Variants in INSL6 observed in about 807,000 individuals in gnomAD.
INSL6 encodes insulin like 6, also known as insulin-like peptide INSL6.
Under a neutral mutation model 9.4 loss-of-function variants are expected in INSL6, and 16 were observed. The ratio of observed to expected loss-of-function variants is 1.70; its 90% CI spans 1.15 to 2.59. INSL6 has a LOEUF of 2.59. INSL6 is among the 30% of genes most tolerant of loss of function. The pLI is 0.00. For synonymous variants in INSL6, 154 were observed against 96.9 expected (o/e 1.59, Z -3.46); for missense variants, 391 against 257.3 (o/e 1.52, Z -3.56).
rs1379729286 is a variant in INSL6 at position 5,130,624 on chromosome 9, G to A, written c.*10+2801C>T. Among the ~76,000 whole-genome samples, 3 of 151,596 alleles carry A rather than the reference G, an allele frequency of 2.0e-5. 1 individual carries two copies. The highest frequency in any genetic ancestry group is 4.4e-5 in the Non-Finnish European group (3 of 67,900). ...TTCATACACAGATAATTAAGTACATGGTATTTAATAATAAAAAAGTTTAAG... is the reference window on the plus strand; with the variant it reads ...TTCATACACAGATAATTAAGTACATAGTATTTAATAATAAAAAAGTTTAAG... On this transcript the variant is annotated intron_variant, in intron 3 of 3. Coordinates refer to the INSL6 transcript ENST00000649639.
At chr9:5,157,316 G>C (rs79656167) in intron 2 of INSL6, among the ~76,000 whole-genome samples, 2,541 of 152,096 alleles carry the variant, frequency 0.017, 28 homozygotes, top group Non-Finnish European at 0.027. Context: ...GAACAAAATG[G>C]TTGGAGAACT....
chr9:5,083,529 A>G, the INSL6 span, among the ~76,000 whole-genome samples: 1 of 152,266 alleles, frequency 6.6e-6, no homozygotes, highest in East Asian at 1.9e-4. Context: ...TTTCTTTTAT[A>G]CAACTTAATC....
At chr9:4,996,049 C>G in the INSL6 span, among the ~76,000 whole-genome samples, 3 of 152,074 alleles carry the variant, frequency 2.0e-5, no homozygotes, top group Non-Finnish European at 2.9e-5. Flanking sequence ...TAGGTCAAGT[C>G]ATTTGAGATT....
At chr9:5,151,092 G>A (rs1476764342) in intron 2 of INSL6, among the ~76,000 whole-genome samples, 1 of 152,144 alleles carries the variant, frequency 6.6e-6, no homozygotes, top group African/African-American at 2.4e-5. Context: ...TGAAAGAGGA[G>A]GGGGTGGAGG....
the INSL6 span, among the ~76,000 whole-genome samples, chr9:5,049,507 A>G: frequency 6.6e-6 from 1 of 152,218 alleles, no homozygotes; most frequent in African/African-American, 2.4e-5. Context: ...CAAATCTTCC[A>G]TGAAACCCTC....
the INSL6 span, chr9:5,112,891 G>C: frequency 2.7e-6 from 1 of 366,630 alleles, no homozygotes; most frequent in Non-Finnish European, 4.6e-6. Flanking sequence ...CCTCAGCCCC[G>C]TGGGCTGGGC....
the INSL6 span, among the ~76,000 whole-genome samples, chr9:5,004,293 G>T: frequency 6.6e-6 from 1 of 152,002 alleles, no homozygotes; most frequent in African/African-American, 2.4e-5. Flanking sequence ...CTCCTAATGG[G>T]ACCCTCAGCC....
the INSL6 span, among the ~76,000 whole-genome samples, chr9:5,104,801 C>A: frequency 6.6e-6 from 1 of 152,168 alleles, no homozygotes; most frequent in Admixed American, 6.5e-5. Flanking sequence ...GAACCAATGA[C>A]AAAAACCACA....
At chr9:5,069,256 T>G in the INSL6 span, 1 of 1,320,352 alleles carries the variant, frequency 7.6e-7, no homozygotes, top group Non-Finnish European at 1.1e-6. Flanking sequence ...ATGGATTGTT[T>G]ATGTGGCGTG....
At chr9:5,002,993 A>C in the INSL6 span, among the ~76,000 whole-genome samples, 1 of 152,146 alleles carries the variant, frequency 6.6e-6, no homozygotes, top group East Asian at 1.9e-4. Context: ...TGAAATGACC[A>C]ATATTTCTTC....
chr9:5,185,337 GC>G lies in INSL6; in HGVS notation c.265del (p.Ala89ProfsTer17). ...ACCTGGGTTTGTGCCTCTTCCCCGG[GC>G]CGGGGAAGCGGTTTGCGGGCTTTCG... is the stretch of plus-strand genomic sequence containing the variant. ...QFESPQTASP[A>X]RGRGTNPVST... is the part of the protein sequence containing the mutation. On this transcript the variant is annotated frameshift_variant, in exon 1 of 2. Coordinates refer to ENST00000381641, the MANE Select transcript of INSL6 (RefSeq NM_007179.3). LOFTEE classifies it low-confidence loss of function (END_TRUNC). The G allele has an allele frequency of 6.2e-7, 1 of 1,614,108 alleles. No individual in the cohort carries two copies. The highest frequency in any genetic ancestry group is 8.5e-7 in the Non-Finnish European group (1 of 1,179,996).
rs532780119 is a variant in INSL6, at chr9:5,151,628, A to G, written c.376+12551T>C. Among the ~76,000 whole-genome samples the G allele has an allele frequency of 6.6e-5, 10 of 152,256 alleles. No homozygotes were observed. In the South Asian group the frequency reaches 2.1e-3, roughly 32 times the overall value. ...TAAAGATGTATATTGTAAATGCTGA[A>G]GCAATCACCAAAAACGAAAGTTTAA... On this transcript the variant is annotated intron_variant, in intron 2 of 3. Coordinates refer to the INSL6 transcript ENST00000649639.
At chr9:5,092,131 C>G in the INSL6 span, among the ~76,000 whole-genome samples, 1 of 152,054 alleles carries the variant, frequency 6.6e-6, no homozygotes, top group African/African-American at 2.4e-5. Context: ...AACGTTAGGT[C>G]AACGTGTAGC....
chr9:5,090,963 TTTATTG>T, the INSL6 span: 1 of 1,238,602 alleles, frequency 8.1e-7, no homozygotes, highest in East Asian at 2.5e-5. Context: ...GACTTCAAAC[TTTATTG>T]TTGTTATTTA....
At chr9:5,096,728 G>A in the INSL6 span, 59,506 of 151,948 alleles carry the variant, frequency 0.39, 13,528 homozygotes, top group African/African-American at 0.64. Context: ...TATACCTGCT[G>A]TTCGGCGCAT....
intron 1 of INSL6, among the ~76,000 whole-genome samples, chr9:5,170,215 A>G (rs1048735984): frequency 3.9e-5 from 6 of 152,202 alleles, no homozygotes; most frequent in African/African-American, 1.4e-4. Flanking sequence ...AAACCACATA[A>G]GTACATGGAA....
the INSL6 span, among the ~76,000 whole-genome samples, chr9:5,029,621 T>G: frequency 6.6e-6 from 1 of 152,260 alleles, no homozygotes; most frequent in Non-Finnish European, 1.5e-5. Context: ...TTGTGATTAA[T>G]AATTCAGTTG....
the INSL6 span, chr9:5,085,241 C>A: frequency 4.5e-6 from 3 of 672,794 alleles, no homozygotes; most frequent in Non-Finnish European, 8.6e-6. Flanking sequence ...AGGACAGGAC[C>A]AGTGGCTAAC....
the INSL6 span, chr9:5,097,886 G>A: frequency 2.0e-5 from 3 of 152,074 alleles, no homozygotes; most frequent in Admixed American, 6.5e-5. Context: ...TCAGACCTAC[G>A]CTAAAATTCA....
Sources: gnomAD v4.1 joint callset for allele counts (sites outside exome capture counted in the v4.1 genomes callset) on GRCh38, gnomAD v4.1.1 for gene constraint, MANE v1.5 for transcripts, NCBI Gene and HGNC (gene_info 2026-07-23, HGNC 2026-07-21) for gene names.